Variants in PARD3B observed in about 807,000 individuals in gnomAD.
The protein encoded by PARD3B is par-3 family cell polarity regulator beta.
In PARD3B, 103 loss-of-function variants were observed where a neutral mutation model predicts 130.2. The ratio of observed to expected loss-of-function variants is 0.79; its 90% CI spans 0.67 to 0.93. The LOEUF (loss-of-function observed/expected upper bound fraction) is 0.93. Ranked by LOEUF, PARD3B falls within the 40% of genes least tolerant of loss-of-function variation. The pLI is 0.00. For missense variants in PARD3B, 1,609 were observed against 1,499.2 expected (o/e 1.07, Z -1.21); for synonymous variants, 583 against 553.2 (o/e 1.05, Z -0.76).
intron 2 of PARD3B, among the ~76,000 whole-genome samples, chr2:204,923,376 A>G (rs369161997): frequency 1.3e-5 from 2 of 152,022 alleles, no homozygotes; most frequent in Non-Finnish European, 2.9e-5. Context: ...GTATTTTTGT[A>G]TATTTATTTG....
At position 205,021,424 on chromosome 2, in the gene PARD3B, G is replaced by A. The variant is rs893020763; in HGVS notation, c.395-26157G>A. Among the ~76,000 whole-genome samples the A allele has an allele frequency of 1.3e-5, 2 of 152,088 alleles. No homozygotes were observed. Among genetic ancestry groups the A allele is most frequent in the Non-Finnish European group, 2.9e-5 (2 of 68,032 alleles). ...GGCATGCATTGGGACCACAGGTTAT[G>A]GTGGCTCACATTTTAGGATTGACTT... On this transcript the variant is annotated intron_variant, in intron 3 of 22. Coordinates refer to ENST00000406610, the MANE Select transcript of PARD3B (RefSeq NM_001302769.2). The surrounding 1 kb of genome is among the most constrained non-coding windows in gnomAD (Gnocchi z 4.5).
chr2:205,224,234 G>A (rs1222162142), intron 15 of PARD3B, among the ~76,000 whole-genome samples: 79 of 144,890 alleles, frequency 5.5e-4, no homozygotes, highest in African/African-American at 2.0e-3. Context: ...AGCCGGGCAT[G>A]GTGGCAGGTG....
chr2:205,000,171 G>T (rs1575525863), intron 3 of PARD3B, among the ~76,000 whole-genome samples: 1 of 152,294 alleles, frequency 6.6e-6, no homozygotes, highest in East Asian at 1.9e-4. Flanking sequence ...GATACCACAT[G>T]CTAGAAGAGT....
At chr2:205,127,701 G>A (rs567477753) in intron 10 of PARD3B, among the ~76,000 whole-genome samples, 1 of 152,018 alleles carries the variant, frequency 6.6e-6, no homozygotes, top group Non-Finnish European at 1.5e-5. Flanking sequence ...TGTGTACTCT[G>A]GGGAGATCTG....
chr2:204,883,453 A>ATTTTTTT (rs1255418062), intron 2 of PARD3B, among the ~76,000 whole-genome samples: 43 of 98,020 alleles, frequency 4.4e-4, no homozygotes, highest in African/African-American at 1.9e-3. Flanking sequence ...ATATATATAT[A>ATTTTTTT]TATTTTTTTT....
At chr2:205,047,711 AG>A in intron 4 of PARD3B, 21 bp downstream of exon 4, 1 of 1,489,478 alleles carries the variant, frequency 6.7e-7, no homozygotes, top group Admixed American at 2.0e-5. Context: ...TGCTGCTTGT[AG>A]TTCTAATGAA....
At chr2:204,893,702 T>G (rs2046532643) in intron 2 of PARD3B, among the ~76,000 whole-genome samples, 1 of 152,190 alleles carries the variant, frequency 6.6e-6, no homozygotes, top group Non-Finnish European at 1.5e-5. Flanking sequence ...ATAGTAAGTC[T>G]TGAAAACCCA....
chr2:205,256,033 C>T (rs1398088064), intron 16 of PARD3B, among the ~76,000 whole-genome samples: 1 of 152,136 alleles, frequency 6.6e-6, no homozygotes, highest in Non-Finnish European at 1.5e-5. Context: ...TATTCAAGAG[C>T]TCTTGTTCAT....
chr2:205,408,684 ATAAT>A (rs1275896757), intron 19 of PARD3B, among the ~76,000 whole-genome samples: 2 of 152,166 alleles, frequency 1.3e-5, no homozygotes, highest in Non-Finnish European at 2.9e-5. Context: ...GCAATTCTCA[ATAAT>A]TAATTATTTA....
intron 3 of PARD3B, among the ~76,000 whole-genome samples, chr2:204,980,561 CA>C (rs908335528): frequency 6.6e-6 from 1 of 152,114 alleles, no homozygotes; most frequent in African/African-American, 2.4e-5. Flanking sequence ...ACCAAGTGAT[CA>C]AGATTATTAT....
At chr2:205,400,823 A>G (rs1323715015) in intron 18 of PARD3B, among the ~76,000 whole-genome samples, 190 bp from the exon 19 acceptor site, 10 of 152,156 alleles carry the variant, frequency 6.6e-5, no homozygotes, top group Admixed American at 6.6e-4. Flanking sequence ...AAGAGAGAAA[A>G]GGGGGAATTT....
rs1013196519 is a variant in PARD3B at position 205,002,586 on chromosome 2, C to T, written c.394+37263C>T. On this transcript the variant is annotated intron_variant, in intron 3 of 22. Transcript: ENST00000406610. ...ACTTCTTATCTCTGACCACATCTAC[C>T]TCAACAGCTCCAGAGCAGCCTCCAT... 7.9e-5 allele frequency among the ~76,000 whole-genome samples: 12 copies of T among 152,152 alleles called. 1 individual carries two copies. Among genetic ancestry groups the T allele is most frequent in the African/African-American group, 2.2e-4 (9 of 41,426 alleles).
chr2:204,640,643 G>A (rs900569863), intron 1 of PARD3B, among the ~76,000 whole-genome samples: 1 of 152,180 alleles, frequency 6.6e-6, no homozygotes, highest in South Asian at 2.1e-4. Context: ...TACACTTGCT[G>A]TGAATAGGTC....
At chr2:205,596,299 C>T (rs1192457006) in intron 22 of PARD3B, among the ~76,000 whole-genome samples, 1 of 152,152 alleles carries the variant, frequency 6.6e-6, no homozygotes, top group East Asian at 1.9e-4. Flanking sequence ...ATCTTGACAA[C>T]ACAGTTCAGT....
At position 205,148,319 on chromosome 2, in the gene PARD3B, C is replaced by T. The variant is rs533375678; in HGVS notation, c.1435-10403C>T. ...ATGATCCTCCTTAGATCACCTTTTT[C>T]TTTGACATGTGCCTGCTCATCTCTC... On this transcript the variant is annotated intron_variant, in intron 10 of 22. Coordinates refer to ENST00000406610, the MANE Select transcript of PARD3B (RefSeq NM_001302769.2). Among the ~76,000 whole-genome samples, 27 of 152,196 alleles carry T rather than the reference C, an allele frequency of 1.8e-4. No individual in the cohort carries two copies. The South Asian group carries it at 5.2e-3, about 29-fold the overall frequency.
intron 18 of PARD3B, among the ~76,000 whole-genome samples, chr2:205,383,801 C>G (rs1190869376): frequency 6.6e-6 from 1 of 152,060 alleles, no homozygotes. Flanking sequence ...TGGAACCAGA[C>G]AATATGTAGC....
intron 18 of PARD3B, among the ~76,000 whole-genome samples, chr2:205,373,838 A>G (rs569013023): frequency 6.6e-6 from 1 of 152,346 alleles, no homozygotes; most frequent in African/African-American, 2.4e-5. Context: ...CTGTTTATGT[A>G]GAATTATGTA....
At chr2:204,803,933 G>A (rs2042667852) in intron 2 of PARD3B, among the ~76,000 whole-genome samples, 1 of 152,102 alleles carries the variant, frequency 6.6e-6, no homozygotes, top group Admixed American at 6.6e-5. Context: ...TGAAAAGCAG[G>A]AGTTGTGGCC....
rs1460261997 is a variant in PARD3B at position 204,959,758 on chromosome 2, G to A, written c.223-5394G>A. ...TAGTTTCAGATGTTCCTTTCAGATC[G>A]CCCCTGGGAACATAGGAGTGAATGC... On this transcript the variant is annotated intron_variant, in intron 2 of 22. Coordinates refer to ENST00000406610, the MANE Select transcript of PARD3B (RefSeq NM_001302769.2). 3.3e-5 allele frequency among the ~76,000 whole-genome samples: 5 copies of A among 152,066 alleles called. 1 individual carries two copies. The highest frequency in any genetic ancestry group is 1.5e-5 in the Non-Finnish European group (1 of 67,994).
Sources: allele counts gnomAD v4.1 joint callset (sites outside exome capture counted in the v4.1 genomes callset), GRCh38; gene constraint gnomAD v4.1.1; non-coding constraint Gnocchi (gnomAD v3.1); transcripts MANE v1.5; gene names NCBI Gene and HGNC (gene_info 2026-07-23, HGNC 2026-07-21).